The following VARS2 variants were observed in gnomAD, a reference collection of about 807,000 sequenced individuals.
The protein encoded by VARS2 is valyl-tRNA synthetase 2, mitochondrial.
Under a neutral mutation model 154.1 loss-of-function variants are expected in VARS2, and 105 were observed. That is an observed-to-expected ratio of 0.68 (90% CI 0.58 to 0.80). The LOEUF (loss-of-function observed/expected upper bound fraction) is 0.80. Among genes scored for constraint, VARS2 ranks in the 30% least tolerant of loss-of-function variants. The probability of loss-of-function intolerance (pLI) is 0.00; values close to 1 mark genes in which losing one functional copy is unlikely to be tolerated. For missense variants in VARS2, 1,157 were observed against 1,361.4 expected (o/e 0.85, Z 2.36); for synonymous variants, 483 against 539.5 (o/e 0.90, Z 1.45).
intron 3 of VARS2, 51 bp from the exon 4 acceptor site, chr6:30,915,304 C>T: frequency 6.2e-7 from 1 of 1,612,408 alleles, no homozygotes; most frequent in Non-Finnish European, 8.5e-7. Context: ...TGCCGAAATG[C>T]AGCCTGGGAA....
rs771346811 is a variant in VARS2, at chr6:30,920,794, G to A, written c.1479+45G>A. The A allele has an allele frequency of 6.1e-6, 9 of 1,463,812 alleles. No individual in the cohort carries two copies. The highest frequency in any genetic ancestry group is 3.6e-4 in the Middle Eastern group (2 of 5,570). 90.7% of individuals were successfully genotyped at this position (1,463,812 alleles called of 1,614,324 possible). A position where few individuals can be genotyped will look rare whatever the true frequency, so the allele number is the denominator to read the frequency against. On this transcript the variant is annotated intron_variant, in intron 15 of 29. Transcript: ENST00000676266. This position sits in a 1 kb window ranked among gnomAD's most constrained non-coding sequence, Gnocchi z 4.6. ...AGGACTGGGGCCAGGGGTTGGGGGA[G>A]CTCCCTGAGAATTGGAATGAAGAAA...
At chr6:30,918,066 G>GT (rs1376032842) in intron 10 of VARS2, among the ~76,000 whole-genome samples, 1 of 80,542 alleles carries the variant, frequency 1.2e-5, no homozygotes, top group African/African-American at 3.2e-5. Flanking sequence ...GTTTTGTTTT[G>GT]TTTGTTTGTT....
At chr6:30,925,409 T>C in intron 27 of VARS2, 24 bp downstream of exon 27, 1 of 1,594,726 alleles carries the variant, frequency 6.3e-7, no homozygotes, top group Non-Finnish European at 8.6e-7. Flanking sequence ...GGTCCTGGGC[T>C]CGGATCCCTG....
At position 30,921,617 on chromosome 6, in the gene VARS2, G is replaced by A. The variant is rs765270010; in HGVS notation, c.1661G>A (p.Arg554Gln). 32 of 1,608,438 alleles carry A rather than the reference G, an allele frequency of 2.0e-5. No homozygotes were observed. The highest frequency in any genetic ancestry group is 3.3e-5 in the South Asian group (3 of 89,716). Residue 554 changes from arginine to glutamine, a missense_variant, in exon 18 of 30, where the codon CGG becomes CAG. Physicochemically the swap from Arg to Gln is conservative, Grantham distance 43. Coordinates refer to ENST00000676266, the MANE Select transcript of VARS2 (RefSeq NM_020442.6). This position sits in a 1 kb window ranked among gnomAD's most constrained non-coding sequence, Gnocchi z 4.6. ...QGEEDCWVVG[R>Q]SEAEAREVAA... ...GAAGAGGACTGTTGGGTGGTTGGGC[G>A]GTCAGAGGCTGAGGCCAGAGAGGTA...
At position 30,919,854 on chromosome 6, in the gene VARS2, T is replaced by C; in HGVS notation, c.1165+6T>C. 1 of 1,549,372 alleles carries C rather than the reference T, an allele frequency of 6.5e-7. No homozygotes were observed. The highest frequency in any genetic ancestry group is 8.7e-7 in the Non-Finnish European group (1 of 1,143,512). ...TCAGCCACATGTGGGCACGGGTGAG[T>C]GGAAGTCAGGGGAGGGAGAGAAAGT... On this transcript the variant is annotated splice_donor_region_variant and intron_variant, in intron 12 of 29. Transcript: ENST00000676266. This position sits in a 1 kb window ranked among gnomAD's most constrained non-coding sequence, Gnocchi z 4.5.
intron 21 of VARS2, 35 bp from the exon 22 acceptor site, chr6:30,922,671 G>A (rs1294317537): frequency 3.7e-6 from 6 of 1,602,252 alleles, no homozygotes; most frequent in Admixed American, 1.7e-5. Context: ...CAGGGCCTTC[G>A]ACCTGGGTCG....
chr6:30,917,231 C>T lies in VARS2; in HGVS notation c.873+7C>T, dbSNP rs761249902. ...AGCCATCTCGGACATTGAGGTGAGG[C>T]GGAGAGAGGGAAGCAGGTTTGTGAG... On this transcript the variant is annotated splice_region_variant and intron_variant, in intron 9 of 29. Transcript: ENST00000676266. This position sits in a 1 kb window ranked among gnomAD's most constrained non-coding sequence, Gnocchi z 4.4. 116 of 1,613,906 alleles carry T rather than the reference C, an allele frequency of 7.2e-5. No individual in the cohort carries two copies. Among genetic ancestry groups the T allele is most frequent in the Non-Finnish European group, 7.6e-5 (90 of 1,180,022 alleles).
intron 26 of VARS2, 72 bp downstream of exon 26, chr6:30,924,632 A>C: frequency 2.5e-6 from 2 of 795,038 alleles, no homozygotes; most frequent in Non-Finnish European, 4.0e-6. Context: ...GGTTTGCTGC[A>C]GGGGGCTCAT....
intron 23 of VARS2, 56 bp from the exon 24 acceptor site, chr6:30,923,048 G>C: frequency 6.2e-7 from 1 of 1,608,502 alleles, no homozygotes; most frequent in Non-Finnish European, 8.5e-7. Flanking sequence ...GGCAGGGGCA[G>C]GACTTCTGGT....
Position 30,915,880 on chromosome 6 carries a change from T to C in VARS2, c.506+13T>C. On this transcript the variant is annotated intron_variant, in intron 5 of 29. Coordinates refer to ENST00000676266, the MANE Select transcript of VARS2 (RefSeq NM_020442.6). ...CCCTCGTGCGCTGGTGAGAGGGGAG[T>C]GGGGGCTGCTTGAGTTCTTGGAAGG... 1 of 1,612,616 alleles carries C rather than the reference T, an allele frequency of 6.2e-7. No homozygotes were observed. Among genetic ancestry groups the C allele is most frequent in the Non-Finnish European group, 8.5e-7 (1 of 1,179,544 alleles).
Position 30,925,328 on chromosome 6 carries a change from G to A in VARS2, c.2728G>A (p.Val910Met), listed in dbSNP as rs112853298. 3.7e-5 allele frequency: 60 copies of A among 1,612,656 alleles called. No individual in the cohort carries two copies. The Middle Eastern group carries it at 6.6e-4, about 18-fold the overall frequency. ...ERRFSRVQEV[V>M]QVLRALRATY... ...GCGCTTCTCCCGGGTCCAAGAGGTC[G>A]TGCAGGTGCTAAGGGCTCTCCGAGC... Residue 910 changes from valine to methionine, a missense_variant, in exon 27 of 30, where the codon GTG (valine) becomes ATG (methionine). By Grantham distance (21) the Val-to-Met change is conservative (BLOSUM62 1). Transcript: ENST00000676266.
intron 22 of VARS2, 38 bp from the exon 23 acceptor site, chr6:30,922,860 A>C: frequency 2.5e-6 from 4 of 1,582,604 alleles, no homozygotes; most frequent in Non-Finnish European, 3.4e-6. Flanking sequence ...CTGCAGCCAC[A>C]AAGGCATCTG....
chr6:30,924,691 T>G (rs1443414512), intron 26 of VARS2, 131 bp downstream of exon 26: 2 of 617,286 alleles, frequency 3.2e-6, no homozygotes, highest in Non-Finnish European at 5.6e-6. Flanking sequence ...GAAGATGGAT[T>G]GTTCCTGCAG....
chr6:30,924,263 C>T (rs952148048), intron 25 of VARS2, 91 bp from the exon 26 acceptor site: 94 of 1,367,530 alleles, frequency 6.9e-5, no homozygotes, highest in Non-Finnish European at 9.5e-5. Flanking sequence ...CTCCCAGGAC[C>T]CATGGCCTGC....
chr6:30,919,068 A>G lies in VARS2; in HGVS notation c.1074+153A>G. On this transcript the variant is annotated intron_variant, in intron 11 of 29. Transcript: ENST00000676266. The surrounding 1 kb of genome is among the most constrained non-coding windows in gnomAD (Gnocchi z 4.5). ...TGATTGGACTCCCTCCTCCTCTTAT[A>G]GTTTTTCTGTAGCTCAGGGGTTGAC... is the stretch of plus-strand genomic sequence containing the variant. 2 of 677,380 alleles carry G rather than the reference A, an allele frequency of 3.0e-6. No homozygotes were observed. Among genetic ancestry groups the G allele is most frequent in the East Asian group, 2.7e-5 (1 of 36,384 alleles). The allele number at this position is 677,380 out of a possible 1,614,324, so 42.0% of individuals were successfully genotyped here.
At chr6:30,923,329 C>T (rs772213747) in intron 24 of VARS2, 24 bp from the exon 25 acceptor site, 32 of 1,605,066 alleles carry the variant, frequency 2.0e-5, no homozygotes, top group Non-Finnish European at 2.7e-5. Context: ...GGGAGTCAGG[C>T]CATCCTGCCC....
At chr6:30,922,379 A>G in intron 20 of VARS2, 71 bp from the exon 21 acceptor site, 1 of 1,604,982 alleles carries the variant, frequency 6.2e-7, no homozygotes, top group Admixed American at 1.7e-5. Context: ...CTACCCCCAA[A>G]AGTATGGAGG....
Position 30,920,468 on chromosome 6 carries a change from T to C in VARS2, c.1397+32T>C. The C allele has an allele frequency of 6.3e-7, 1 of 1,574,816 alleles. No homozygotes were observed. Among genetic ancestry groups the C allele is most frequent in the Non-Finnish European group, 8.6e-7 (1 of 1,161,502 alleles). ...TCATTTTAACTCCTTTACTAAGGGC[T>C]ACCCCAAAAGGGAATGTATGGAGCT... On this transcript the variant is annotated intron_variant, in intron 14 of 29. Coordinates refer to ENST00000676266, the MANE Select transcript of VARS2 (RefSeq NM_020442.6). This position sits in a 1 kb window ranked among gnomAD's most constrained non-coding sequence, Gnocchi z 4.6.
In VARS2 at chr6:30,922,911, C is replaced by T. The variant is rs1794618340; in HGVS notation, c.2120C>T (p.Pro707Leu). The change falls in exon 23 of 30, where the codon CCT (proline) becomes CTT (leucine). Residue 707 changes from proline (P) to leucine (L), a missense_variant. Physicochemically the swap from Pro to Leu is moderately conservative, Grantham distance 98 (BLOSUM62 -3). Transcript: ENST00000676266. ...CTCTGGTTGCAGAAAAAGGACTTTC[C>T]TCACGGGATCCCTGAGTGTGGGACA... is the stretch of plus-strand genomic sequence containing the variant. ...IVAAAQKKDF[P>L]HGIPECGTDA... 1 of 1,607,210 alleles carries T rather than the reference C, an allele frequency of 6.2e-7. No homozygotes were observed. Among genetic ancestry groups the T allele is most frequent in the Non-Finnish European group, 8.5e-7 (1 of 1,176,114 alleles).
Sources: allele counts gnomAD v4.1 joint callset (sites outside exome capture counted in the v4.1 genomes callset), GRCh38; gene constraint gnomAD v4.1.1; non-coding constraint Gnocchi (gnomAD v3.1); transcripts MANE v1.5; gene names NCBI Gene and HGNC (gene_info 2026-07-23, HGNC 2026-07-21).